Variants in TUSC3 observed in about 807,000 individuals in gnomAD.
TUSC3 encodes the protein tumor suppressor candidate 3.
A neutral mutation model predicts 44.8 loss-of-function variants in TUSC3; 45 were observed. That is an observed-to-expected ratio of 1.00 (90% CI 0.79 to 1.29). The LOEUF is 1.29. Among genes scored for constraint, TUSC3 ranks in the 50% most tolerant of loss-of-function variants. The probability of loss-of-function intolerance (pLI) is 0.00; values close to 1 mark genes in which losing one functional copy is unlikely to be tolerated. For missense variants in TUSC3, 519 were observed against 437.9 expected (o/e 1.19, Z -1.65); for synonymous variants, 212 against 152.9 (o/e 1.39, Z -2.85).
chr8:15,726,445 C>T (rs550508798), intron 6 of TUSC3, among the ~76,000 whole-genome samples: 2 of 151,998 alleles, frequency 1.3e-5, no homozygotes, highest in African/African-American at 4.8e-5. Flanking sequence ...TTTGTTATAA[C>T]CTTATTTTTA....
At chr8:15,846,167 T>A in the TUSC3 span, among the ~76,000 whole-genome samples, 2 of 152,178 alleles carry the variant, frequency 1.3e-5, no homozygotes, top group African/African-American at 4.8e-5. Flanking sequence ...CAGTTGAGAT[T>A]TGAATGGGGA....
chr8:15,541,875 A>G (rs912387410), intron 1 of TUSC3, among the ~76,000 whole-genome samples: 6 of 126,852 alleles, frequency 4.7e-5, no homozygotes, highest in African/African-American at 1.3e-4. Context: ...GCAAAGGGCA[A>G]TAAAAGATGA....
chr8:15,811,689 GA>G, the TUSC3 span, among the ~76,000 whole-genome samples: 3 of 152,210 alleles, frequency 2.0e-5, no homozygotes, highest in African/African-American at 7.2e-5. Flanking sequence ...CAAATGAGGA[GA>G]GGGGTGAAGG....
intron 6 of TUSC3, among the ~76,000 whole-genome samples, chr8:15,705,177 A>G (rs1448893850): frequency 6.6e-6 from 1 of 151,956 alleles, no homozygotes. Context: ...TTACCAAAAC[A>G]ATTATTCTAA....
At chr8:15,597,063 A>T (rs927182815) in intron 1 of TUSC3, among the ~76,000 whole-genome samples, 1 of 152,128 alleles carries the variant, frequency 6.6e-6, no homozygotes, top group Non-Finnish European at 1.5e-5. Context: ...TTGTCTGAGA[A>T]TGTCAGCAGG....
In TUSC3 at chr8:15,623,266, A is replaced by G. The variant is rs1805333892; in HGVS notation, c.308+17A>G. On this transcript the variant is annotated intron_variant, in intron 2 of 10. Transcript: ENST00000503731. ...TGTGTGCAGGTAATTTATGTAATTA[A>G]AAAATATTAAAAACTATTATTCTTG... The G allele has an allele frequency of 6.4e-7, 1 of 1,563,252 alleles. No homozygotes were observed. Among genetic ancestry groups the G allele is most frequent in the East Asian group, 2.3e-5 (1 of 43,202 alleles).
chr8:15,758,033 G>C (rs1727782517), intron 10 of TUSC3, 178 bp downstream of exon 10: 1 of 1,399,728 alleles, frequency 7.1e-7, no homozygotes, highest in Non-Finnish European at 9.3e-7. Flanking sequence ...GCCACAGGGA[G>C]AAGTCCTCAG....
upstream of TUSC3, chr8:15,540,238 C>A: frequency 1.3e-6 from 1 of 797,232 alleles, no homozygotes; most frequent in Non-Finnish European, 1.8e-6. Context: ...TCCAGGTCTT[C>A]TCCCGGTGAA....
chr8:15,789,748 CA>C, the TUSC3 span, among the ~76,000 whole-genome samples: 17 of 152,118 alleles, frequency 1.1e-4, no homozygotes, highest in Non-Finnish European at 1.5e-4. Context: ...ATTGGGGCTG[CA>C]ATAAGAAACA....
intron 10 of TUSC3, 57 bp downstream of exon 10, chr8:15,757,912 G>A: frequency 2.1e-6 from 3 of 1,453,154 alleles, no homozygotes; most frequent in Admixed American, 1.7e-5. Context: ...AATATAGAGA[G>A]TATAACATTT....
intron 2 of TUSC3, among the ~76,000 whole-genome samples, chr8:15,625,032 C>G (rs1239777934): frequency 1.3e-5 from 2 of 151,938 alleles, no homozygotes; most frequent in South Asian, 2.1e-4. Flanking sequence ...GGAAGTTGCT[C>G]TATATTCCTA....
chr8:15,574,697 G>A (rs973623672), intron 1 of TUSC3, among the ~76,000 whole-genome samples: 1 of 152,006 alleles, frequency 6.6e-6, no homozygotes, highest in African/African-American at 2.4e-5. Context: ...TTATTTGATA[G>A]CTAACATTTT....
downstream of TUSC3, among the ~76,000 whole-genome samples, chr8:15,771,543 G>A (rs1394775112): frequency 6.6e-6 from 1 of 152,040 alleles, no homozygotes; most frequent in Non-Finnish European, 1.5e-5. Context: ...TTAAAAGATT[G>A]CATAATACAG....
chr8:15,607,583 A>G (rs1016847783), intron 1 of TUSC3, among the ~76,000 whole-genome samples: 3 of 152,166 alleles, frequency 2.0e-5, no homozygotes, highest in African/African-American at 7.2e-5. Flanking sequence ...ACATAAAGGT[A>G]AGCTGAGAGA....
intron 5 of TUSC3, among the ~76,000 whole-genome samples, chr8:15,663,112 G>T (rs1238486626): frequency 6.6e-6 from 1 of 151,516 alleles, no homozygotes; most frequent in Non-Finnish European, 1.5e-5. Context: ...AAACAATTCA[G>T]TTATAATTGA....
chr8:15,559,367 A>G (rs376419330), intron 1 of TUSC3, among the ~76,000 whole-genome samples: 1 of 148,794 alleles, frequency 6.7e-6, no homozygotes, highest in South Asian at 2.2e-4. Context: ...GGTCTGACAG[A>G]CAGTTTGTTA....
At chr8:15,672,732 G>T (rs866864867) in intron 5 of TUSC3, among the ~76,000 whole-genome samples, 1 of 151,848 alleles carries the variant, frequency 6.6e-6, no homozygotes, top group East Asian at 1.9e-4. Context: ...CTAATTTCTG[G>T]GTTTAGATAT....
chr8:15,424,724 C>CA (rs1279759427), intron 1 of TUSC3, among the ~76,000 whole-genome samples: 1 of 151,960 alleles, frequency 6.6e-6, no homozygotes, highest in South Asian at 2.1e-4. Flanking sequence ...ACTAAAAATA[C>CA]AAAAAATTAG....
the TUSC3 span, among the ~76,000 whole-genome samples, chr8:15,799,272 C>A: frequency 2.0e-5 from 3 of 152,282 alleles, no homozygotes; most frequent in East Asian, 5.8e-4. Flanking sequence ...AACCAGCCAG[C>A]GCTCTAACAA....
Sources: allele counts gnomAD v4.1 joint callset (sites outside exome capture counted in the v4.1 genomes callset), GRCh38; gene constraint gnomAD v4.1.1; transcripts MANE v1.5; gene names NCBI Gene and HGNC (gene_info 2026-07-23, HGNC 2026-07-21).